The following ACTR3 variants were observed in gnomAD, a reference collection of about 807,000 sequenced individuals.
ACTR3 encodes the protein actin related protein 3, also known as actin-related protein 3.
A neutral mutation model predicts 56.8 loss-of-function variants in ACTR3; 12 were observed. That is an observed-to-expected ratio of 0.21 (90% CI 0.14 to 0.34). The LOEUF (loss-of-function observed/expected upper bound fraction) is 0.34. Among genes scored for constraint, ACTR3 ranks in the 10% least tolerant of loss-of-function variants. ACTR3 has a pLI of 1.00. For synonymous variants in ACTR3, 162 were observed against 167.4 expected (o/e 0.97, Z 0.25); for missense variants, 282 against 512.5 (o/e 0.55, Z 4.34).
chr2:113,902,789 G>C (rs1679125679), intron 1 of ACTR3, among the ~76,000 whole-genome samples: 1 of 152,076 alleles, frequency 6.6e-6, no homozygotes, highest in Non-Finnish European at 1.5e-5. Flanking sequence ...TAGTAGAGAT[G>C]GGGTTTCGCC....
chr2:113,910,102 C>T (rs766557644), intron 1 of ACTR3, among the ~76,000 whole-genome samples: 26 of 152,122 alleles, frequency 1.7e-4, no homozygotes, highest in Non-Finnish European at 2.6e-4. Context: ...CAAGATGGGG[C>T]TGGTCACTTG....
In ACTR3 at chr2:113,961,156, C is replaced by T. The variant is rs1025951695; in HGVS notation, c.*3701C>T. Reference sequence around the variant, plus strand: ...CTGTATAAATGTTTATCCTTTTCCACGTAATTTGTTTTCTATGATATGAGA... The same window carrying T: ...CTGTATAAATGTTTATCCTTTTCCATGTAATTTGTTTTCTATGATATGAGA... On this transcript the variant is annotated 3_prime_UTR_variant, in exon 12 of 12. Coordinates refer to ENST00000263238, the MANE Select transcript of ACTR3 (RefSeq NM_005721.5). The T allele has an allele frequency of 4.6e-5, 7 of 151,946 alleles. No homozygotes were observed. The highest frequency in any genetic ancestry group is 4.8e-5 in the African/African-American group (2 of 41,420). The allele number at this position is 151,946 out of a possible 1,614,324, so 9.4% of individuals were successfully genotyped here.
chr2:113,898,766 A>G (rs1679051675), intron 1 of ACTR3, among the ~76,000 whole-genome samples: 1 of 152,178 alleles, frequency 6.6e-6, no homozygotes, highest in Non-Finnish European at 1.5e-5. Flanking sequence ...TTTGGATTTT[A>G]ATTATTAAAG....
rs1680129941 is a variant in ACTR3 at position 113,952,065 on chromosome 2, C to A, written c.1077+220C>A. 4 of 562,776 alleles carry A rather than the reference C, an allele frequency of 7.1e-6. No homozygotes were observed. In the South Asian group the frequency reaches 1.1e-4, roughly 16 times the overall value. The allele number at this position is 562,776 out of a possible 1,614,324, so 34.9% of individuals were successfully genotyped here. On this transcript the variant is annotated intron_variant, in intron 10 of 11. Transcript: ENST00000263238. ...TTCTGGAAAATAATTCTTAGTAATA[C>A]CTGTGGAAAGACTTTTTTTTTAAAT...
intron 2 of ACTR3, among the ~76,000 whole-genome samples, chr2:113,916,097 A>T (rs1679400084): frequency 6.6e-6 from 1 of 152,176 alleles, no homozygotes. Flanking sequence ...GGTGGATTAA[A>T]AATTTTTTTC....
At chr2:113,945,336 A>G (rs1457074015) in intron 8 of ACTR3, among the ~76,000 whole-genome samples, 1 of 152,132 alleles carries the variant, frequency 6.6e-6, no homozygotes, top group Non-Finnish European at 1.5e-5. Flanking sequence ...TGCTCTTGGT[A>G]GTAACCCCCA....
At chr2:113,901,179 G>A (rs1268835977) in intron 1 of ACTR3, among the ~76,000 whole-genome samples, 2 of 152,172 alleles carry the variant, frequency 1.3e-5, no homozygotes, top group Non-Finnish European at 2.9e-5. Flanking sequence ...TTAGCTGGGC[G>A]TGGTGGCGTG....
At chr2:113,925,195 T>C (rs67810081) in intron 3 of ACTR3, among the ~76,000 whole-genome samples, 10,199 of 94,390 alleles carry the variant, frequency 0.11, 413 homozygotes, top group African/African-American at 0.27. Context: ...TCGTGCCACC[T>C]TTTTTTTTTT....
In ACTR3 at chr2:113,920,220, G is replaced by C. The variant is rs77658032; in HGVS notation, c.225+3212G>C. ...TTACAGGTGTGAGCCACTGCGTCCGGCCTTTTATTTTATTTTTTATAGAGA... is the reference window on the plus strand; with the variant it reads ...TTACAGGTGTGAGCCACTGCGTCCGCCCTTTTATTTTATTTTTTATAGAGA... On this transcript the variant is annotated intron_variant, in intron 3 of 11. Transcript: ENST00000263238. Among the ~76,000 whole-genome samples the C allele has an allele frequency of 0.024, 3,686 of 152,262 alleles. 217 individuals are homozygous for C. In the East Asian group the frequency reaches 0.26, roughly 11 times the overall value.
chr2:113,896,696 A>G lies in ACTR3; in HGVS notation c.44+6373A>G, dbSNP rs566207908. Among the ~76,000 whole-genome samples, 9 of 152,368 alleles carry G rather than the reference A, an allele frequency of 5.9e-5. No individual in the cohort carries two copies. In the South Asian group the frequency reaches 1.4e-3, roughly 25 times the overall value. On this transcript the variant is annotated intron_variant, in intron 1 of 11. Transcript: ENST00000263238. ...AGCATTCAGAGAGAAAAGAACGGAAAGATTGAATATCAGTTTCCCTTCTTT... is the reference window on the plus strand; with the variant it reads ...AGCATTCAGAGAGAAAAGAACGGAAGGATTGAATATCAGTTTCCCTTCTTT...
intron 5 of ACTR3, among the ~76,000 whole-genome samples, chr2:113,932,520 T>C (rs1045061258): frequency 3.9e-5 from 6 of 152,218 alleles, no homozygotes; most frequent in Non-Finnish European, 8.8e-5. Flanking sequence ...TTCAGTGATT[T>C]CCTTAGTGGC....
chr2:113,917,662 C>G (rs1388533215), intron 3 of ACTR3, among the ~76,000 whole-genome samples: 2 of 152,192 alleles, frequency 1.3e-5, no homozygotes, highest in Non-Finnish European at 2.9e-5. Flanking sequence ...TTGCAAATAT[C>G]CTCCTTTGTA....
intron 6 of ACTR3, 37 bp downstream of exon 6, chr2:113,934,423 A>G: frequency 7.9e-7 from 1 of 1,266,170 alleles, no homozygotes; most frequent in Non-Finnish European, 1.1e-6. Context: ...AGAACATGAA[A>G]TAACACATCT....
chr2:113,955,549 C>T (rs952217212), intron 10 of ACTR3, 74 bp from the exon 11 acceptor site: 2 of 1,085,862 alleles, frequency 1.8e-6, no homozygotes, highest in African/African-American at 3.2e-5. Flanking sequence ...TGTATATGTA[C>T]ATTTAAGGTT....
At chr2:113,917,777 G>A (rs1266866796) in intron 3 of ACTR3, among the ~76,000 whole-genome samples, 1 of 152,144 alleles carries the variant, frequency 6.6e-6, no homozygotes, top group Non-Finnish European at 1.5e-5. Context: ...TTCCCCGACT[G>A]CAAGGCTATT....
At chr2:113,914,365 C>G (rs1253909238) in intron 2 of ACTR3, among the ~76,000 whole-genome samples, 1 of 152,116 alleles carries the variant, frequency 6.6e-6, no homozygotes, top group Non-Finnish European at 1.5e-5. Context: ...GTAATCCCAG[C>G]ACTTTGGGAG....
chr2:113,954,925 A>G (rs765770951), intron 10 of ACTR3: 9 of 152,176 alleles, frequency 5.9e-5, no homozygotes, highest in Non-Finnish European at 8.8e-5. Context: ...AATTCTCTAC[A>G]TAAATTAAAA....
intron 1 of ACTR3, among the ~76,000 whole-genome samples, chr2:113,897,380 G>A (rs913395858): frequency 6.6e-6 from 1 of 151,886 alleles, no homozygotes; most frequent in African/African-American, 2.4e-5. Context: ...TTTAAAGGAC[G>A]ATTTTGCAGA....
intron 3 of ACTR3, among the ~76,000 whole-genome samples, chr2:113,922,135 C>A (rs1193630166): frequency 1.3e-5 from 2 of 151,684 alleles, no homozygotes; most frequent in Admixed American, 1.3e-4. Context: ...GAGTGATAGG[C>A]CAGGAAAAAA....
Sources: allele counts gnomAD v4.1 joint callset (sites outside exome capture counted in the v4.1 genomes callset), GRCh38; gene constraint gnomAD v4.1.1; transcripts MANE v1.5; gene names NCBI Gene and HGNC (gene_info 2026-07-23, HGNC 2026-07-21).